The following CNTN5 variants were observed in gnomAD, a reference collection of about 807,000 sequenced individuals.
The protein encoded by CNTN5 is contactin 5.
CNTN5 carries 77 observed loss-of-function variants against 129.1 expected under a neutral mutation model. That is an observed-to-expected ratio of 0.60 (90% CI 0.50 to 0.72). CNTN5 has a LOEUF of 0.72. CNTN5 is among the 30% of genes least tolerant of loss of function. CNTN5 has a pLI of 0.00. For missense variants in CNTN5, 1,478 were observed against 1,328.8 expected, an observed-to-expected ratio of 1.11 and a Z score of -1.75; for synonymous variants, 509 against 465.6, an observed-to-expected ratio of 1.09 and a Z score of -1.20.
chr11:100,308,974 A>T lies in CNTN5; in HGVS notation c.2730+506A>T, dbSNP rs1001782633. On this transcript the variant is annotated intron_variant, in intron 21 of 24. Transcript: ENST00000524871. ...TTTTAAACATAGTTATTCCAGCCTT[A>T]TAATGGTGAACATTTCATATCAAAT... is the stretch of plus-strand genomic sequence containing the variant. 2.8e-5 allele frequency: 28 copies of T among 984,948 alleles called. No homozygotes were observed. The African/African-American group carries it at 4.5e-4, about 16-fold the overall frequency. 61.0% of individuals were successfully genotyped at this position (984,948 alleles called of 1,614,324 possible). A position where few individuals can be genotyped will look rare whatever the true frequency, so the allele number is the denominator to read the frequency against.
At position 100,127,651 on chromosome 11, in the gene CNTN5, C is replaced by CTTTTTTTTTTTTTTTT. The variant is rs66468227; in HGVS notation, c.1580+53366_1580+53381dup. 2.0e-4 allele frequency among the ~76,000 whole-genome samples: 16 copies of CTTTTTTTTTTTTTTTT among 81,292 alleles called. 1 individual carries two copies. The highest frequency in any genetic ancestry group is 4.0e-4 in the African/African-American group (8 of 19,990). The allele number at this position is 81,292 out of a possible 152,430, so 53.3% of individuals were successfully genotyped here. On this transcript the variant is annotated intron_variant, in intron 13 of 24. Coordinates refer to ENST00000524871, the MANE Select transcript of CNTN5 (RefSeq NM_014361.4). Reference sequence around the variant, plus strand: ...ACAGACTTTCTGACTTTCTTTCTTTCTTTTTTTTTTTTTTTTTTTTTTTTG... The same window carrying CTTTTTTTTTTTTTTTT: ...ACAGACTTTCTGACTTTCTTTCTTTCTTTTTTTTTTTTTTTTTTTTTTTTTTTTTTTTTTTTTTTTG...
At chr11:99,628,788 A>G (rs1282610347) in intron 3 of CNTN5, among the ~76,000 whole-genome samples, 2 of 152,124 alleles carry the variant, frequency 1.3e-5, no homozygotes, top group South Asian at 2.1e-4. Context: ...TTTTTTTCCT[A>G]CTTTGTCAGG....
chr11:99,159,199 A>C (rs1860476002), intron 1 of CNTN5, among the ~76,000 whole-genome samples: 1 of 152,238 alleles, frequency 6.6e-6, no homozygotes, highest in Non-Finnish European at 1.5e-5. Context: ...ATATTTCCTG[A>C]AGAGCTTAGA....
intron 13 of CNTN5, among the ~76,000 whole-genome samples, chr11:100,143,044 A>G (rs921488961): frequency 6.6e-6 from 1 of 152,188 alleles, no homozygotes; most frequent in East Asian, 1.9e-4. Flanking sequence ...GGGTCTCCCA[A>G]AATATTTCAG....
At chr11:99,499,562 C>T (rs1946351582) in intron 2 of CNTN5, among the ~76,000 whole-genome samples, 1 of 152,148 alleles carries the variant, frequency 6.6e-6, no homozygotes, top group Non-Finnish European at 1.5e-5. Context: ...TTATAAATTA[C>T]CCAGTCTCAG....
intron 1 of CNTN5, among the ~76,000 whole-genome samples, chr11:99,024,541 G>A (rs1004372590): frequency 6.6e-6 from 1 of 151,982 alleles, no homozygotes; most frequent in African/African-American, 2.4e-5. Context: ...ATAAATATTT[G>A]CATAAGCTAA....
chr11:99,445,809 C>T (rs754070305), intron 2 of CNTN5, among the ~76,000 whole-genome samples: 4 of 152,022 alleles, frequency 2.6e-5, no homozygotes, highest in East Asian at 3.9e-4. Context: ...TAGGGCCGGG[C>T]GCGGTGACTC....
At chr11:99,818,912 AT>A (rs751173228) in intron 3 of CNTN5, among the ~76,000 whole-genome samples, 4 of 152,052 alleles carry the variant, frequency 2.6e-5, no homozygotes, top group African/African-American at 7.2e-5. Flanking sequence ...AATTTCATTC[AT>A]TTTTTTATGT....
chr11:100,148,713 G>A (rs1488878370), intron 13 of CNTN5, among the ~76,000 whole-genome samples: 1 of 89,478 alleles, frequency 1.1e-5, no homozygotes, highest in African/African-American at 6.4e-5. Context: ...AGGTCAGATA[G>A]ATATATCTAA....
intron 1 of CNTN5, among the ~76,000 whole-genome samples, chr11:99,180,657 C>G (rs1858006153): frequency 6.6e-6 from 1 of 152,124 alleles, no homozygotes; most frequent in Admixed American, 6.5e-5. Context: ...CAATTGAGTT[C>G]AAATTTAATA....
At position 99,592,730 on chromosome 11, in the gene CNTN5, T is replaced by A. The variant is rs75337101; in HGVS notation, c.55+36461T>A. Among the ~76,000 whole-genome samples the A allele has an allele frequency of 4.3e-3, 660 of 152,316 alleles. 27 individuals carry two copies. The East Asian group carries it at 0.098, about 23-fold the overall frequency. On this transcript the variant is annotated intron_variant, in intron 3 of 24. Transcript: ENST00000524871. ...ATATCATGTAAATATTTTTGTTTGT[T>A]TTTTCTTTGTAAATTTGAAGTAGAA... is the stretch of plus-strand genomic sequence containing the variant.
At chr11:99,106,984 C>G (rs941443270) in intron 1 of CNTN5, among the ~76,000 whole-genome samples, 1 of 151,994 alleles carries the variant, frequency 6.6e-6, no homozygotes, top group Non-Finnish European at 1.5e-5. Flanking sequence ...GAAATATAAA[C>G]CAAAAATTCA....
chr11:99,929,904 G>T (rs1222208841), intron 7 of CNTN5, among the ~76,000 whole-genome samples: 1 of 152,162 alleles, frequency 6.6e-6, no homozygotes, highest in Non-Finnish European at 1.5e-5. Flanking sequence ...TAGATTTAAG[G>T]CAGAAATGAG....
intron 7 of CNTN5, among the ~76,000 whole-genome samples, chr11:99,921,611 G>A (rs534021644): frequency 6.6e-6 from 1 of 152,122 alleles, no homozygotes; most frequent in South Asian, 2.1e-4. Flanking sequence ...TCCATATACT[G>A]CACGCATTTA....
intron 2 of CNTN5, among the ~76,000 whole-genome samples, chr11:99,443,451 G>A (rs577215927): frequency 6.6e-6 from 1 of 152,200 alleles, no homozygotes; most frequent in Admixed American, 6.5e-5. Context: ...CATTTTCATG[G>A]TGTTTTGACA....
At chr11:100,283,667 C>T (rs746692161) in intron 18 of CNTN5, among the ~76,000 whole-genome samples, 7 of 152,128 alleles carry the variant, frequency 4.6e-5, no homozygotes, top group South Asian at 2.1e-4. Flanking sequence ...CCCTCCGGGC[C>T]GGGCGCTGTG....
chr11:99,917,430 T>A (rs1949822154), intron 7 of CNTN5, among the ~76,000 whole-genome samples: 1 of 152,166 alleles, frequency 6.6e-6, no homozygotes, highest in African/African-American at 2.4e-5. Context: ...AGGGAAAGTG[T>A]ATAGCATTAA....
intron 3 of CNTN5, among the ~76,000 whole-genome samples, chr11:99,778,118 G>A (rs557058693): frequency 4.6e-5 from 7 of 151,722 alleles, no homozygotes; most frequent in Non-Finnish European, 1.0e-4. Context: ...CACATCCTCT[G>A]TAGTGTTTAA....
chr11:100,270,024 C>T (rs1950380049), intron 17 of CNTN5, among the ~76,000 whole-genome samples: 1 of 152,168 alleles, frequency 6.6e-6, no homozygotes, highest in Non-Finnish European at 1.5e-5. Context: ...GCGTACTGCT[C>T]AGTTGCCAGT....
Sources: allele counts gnomAD v4.1 joint callset (sites outside exome capture counted in the v4.1 genomes callset), GRCh38; gene constraint gnomAD v4.1.1; transcripts MANE v1.5; gene names NCBI Gene and HGNC (gene_info 2026-07-23, HGNC 2026-07-21).